The following NCKAP1 variants were observed in gnomAD, a reference collection of about 807,000 sequenced individuals.
The protein encoded by NCKAP1 is nck-associated protein 1.
NCKAP1 carries 21 observed loss-of-function variants against 151.2 expected under a neutral mutation model. The observed-to-expected ratio is 0.14, with a 90% CI of 0.10 to 0.20. NCKAP1 has a LOEUF of 0.20. Among genes scored for constraint, NCKAP1 ranks in the 10% least tolerant of loss-of-function variants. The pLI is 1.00. For missense variants in NCKAP1, 933 were observed against 1,352.1 expected, an observed-to-expected ratio of 0.69 and a Z score of 4.86; for synonymous variants, 484 against 451.8, an observed-to-expected ratio of 1.07 and a Z score of -0.90.
intron 10 of NCKAP1, among the ~76,000 whole-genome samples, chr2:182,983,795 G>A (rs1025447749): frequency 2.6e-5 from 4 of 152,208 alleles, no homozygotes; most frequent in Non-Finnish European, 5.9e-5. Flanking sequence ...CACTTTGGGA[G>A]ACCAACTTGG....
chr2:182,971,392 TCAAAAAAAA>T (rs1405003994), intron 15 of NCKAP1, among the ~76,000 whole-genome samples: 10 of 63,586 alleles, frequency 1.6e-4, no homozygotes, highest in African/African-American at 6.0e-4. Flanking sequence ...AGACTCCGTC[TCAAAAAAAA>T]AAAAAAAAAA....
chr2:182,992,611 T>G (rs1366477461), intron 8 of NCKAP1, among the ~76,000 whole-genome samples: 1 of 152,084 alleles, frequency 6.6e-6, no homozygotes, highest in Admixed American at 6.5e-5. Context: ...AAATAAACTA[T>G]GAGACAAAGC....
At chr2:182,958,969 C>T (rs1046162443) in intron 18 of NCKAP1, among the ~76,000 whole-genome samples, 1 of 152,068 alleles carries the variant, frequency 6.6e-6, no homozygotes, top group African/African-American at 2.4e-5. Flanking sequence ...GACATAATAA[C>T]ATTTTGGGGT....
intron 18 of NCKAP1, among the ~76,000 whole-genome samples, chr2:182,959,569 G>A (rs373449413): frequency 3.3e-5 from 5 of 152,186 alleles, no homozygotes; most frequent in East Asian, 1.9e-4. Context: ...AATAAATTAG[G>A]TATTGATAGG....
intron 2 of NCKAP1, among the ~76,000 whole-genome samples, chr2:183,012,527 C>G (rs2105885161): frequency 6.6e-6 from 1 of 152,062 alleles, no homozygotes; most frequent in African/African-American, 2.4e-5. Context: ...CACTTAAAAT[C>G]TGTAATACTC....
Position 182,926,897 on chromosome 2 carries a change from G to T in NCKAP1, c.3189C>A (p.Ser1063=). ...DRLKEFLALA[S]SSLLKIGQET... is the part of the protein sequence containing the mutation. ...CCTGGCCAATTTTCAGTAGACTGGA[G>T]GATGCAAGCTTAAAAGTATACATAC... The change falls in exon 30 of 31, where the codon TCC becomes TCA. Residue 1063 remains serine (S), a synonymous_variant. Coordinates refer to ENST00000361354, the MANE Select transcript of NCKAP1 (RefSeq NM_013436.5). The T allele has an allele frequency of 6.3e-7, 1 of 1,599,680 alleles. No individual in the cohort carries two copies. The highest frequency in any genetic ancestry group is 1.1e-5 in the South Asian group (1 of 89,186).
chr2:182,977,990 G>A (rs1028314065), intron 14 of NCKAP1, among the ~76,000 whole-genome samples: 1 of 152,118 alleles, frequency 6.6e-6, no homozygotes, highest in African/African-American at 2.4e-5. Flanking sequence ...TTTCTCCTAA[G>A]CTCTCTGATT....
intron 23 of NCKAP1, chr2:182,947,031 A>C (rs1460325891): frequency 6.6e-6 from 1 of 152,226 alleles, no homozygotes; most frequent in African/African-American, 2.4e-5. Flanking sequence ...TCCTACCTCC[A>C]CCCTGCACTA....
chr2:182,970,791 A>T (rs890077994), intron 15 of NCKAP1, among the ~76,000 whole-genome samples: 14 of 152,188 alleles, frequency 9.2e-5, no homozygotes, highest in South Asian at 2.1e-4. Context: ...ACATAAATAA[A>T]AGGCATGCAA....
chr2:182,987,451 C>A (rs908173485), intron 9 of NCKAP1, among the ~76,000 whole-genome samples: 5 of 152,118 alleles, frequency 3.3e-5, no homozygotes, highest in African/African-American at 1.2e-4. Flanking sequence ...TGATCATTCA[C>A]AATTAAATTA....
At chr2:182,963,050 ATACAG>A (rs1478953523) in intron 17 of NCKAP1, among the ~76,000 whole-genome samples, 1 of 152,088 alleles carries the variant, frequency 6.6e-6, no homozygotes, top group Non-Finnish European at 1.5e-5. Context: ...TAGAGCTTAC[ATACAG>A]TATTTATATG....
At chr2:182,963,771 G>A (rs1275057533) in intron 17 of NCKAP1, among the ~76,000 whole-genome samples, 5 of 151,934 alleles carry the variant, frequency 3.3e-5, no homozygotes, top group African/African-American at 7.2e-5. Context: ...AAGTTTGGGA[G>A]AAAAAAATCT....
At chr2:183,031,372 G>A (rs538609297) in intron 1 of NCKAP1, among the ~76,000 whole-genome samples, 1 of 152,280 alleles carries the variant, frequency 6.6e-6, no homozygotes, top group South Asian at 2.1e-4. Flanking sequence ...TGTTTTTGCA[G>A]TTTTTTAAAG....
At chr2:182,934,166 C>A (rs772621015) in intron 26 of NCKAP1, among the ~76,000 whole-genome samples, 1 of 151,452 alleles carries the variant, frequency 6.6e-6, no homozygotes, top group Non-Finnish European at 1.5e-5. Context: ...GAGACGGAGT[C>A]TCATTCTGTT....
intron 1 of NCKAP1, among the ~76,000 whole-genome samples, chr2:183,032,292 T>C (rs938907820): frequency 2.0e-5 from 3 of 152,130 alleles, no homozygotes; most frequent in Non-Finnish European, 4.4e-5. Flanking sequence ...GTACGGAAAA[T>C]GTTTAGAAAA....
In NCKAP1 at chr2:182,953,122, T is replaced by C; in HGVS notation, c.2363A>G (p.Tyr788Cys). ...TAAATGCATTCCTTACCAATTTGTG[T>C]ATAGACTTGTAATGGTTGGCTCTCC... Reference protein sequence around the residue: ...SHGEPTITSLYTNWYLETLLR... With the variant: ...SHGEPTITSLCTNWYLETLLR... The change falls in exon 21 of 31, where the codon TAC becomes TGC. Residue 788 changes from tyrosine to cysteine, a missense_variant. This residue lies in a region of NCKAP1 where 326 missense variants were observed against 557.1 expected (regional missense o/e 0.59). Transcript: ENST00000361354. 6.2e-7 allele frequency: 1 copy of C among 1,608,328 alleles called. No homozygotes were observed. Among genetic ancestry groups the C allele is most frequent in the Non-Finnish European group, 8.5e-7 (1 of 1,177,196 alleles).
chr2:182,984,250 T>C (rs528587672), intron 10 of NCKAP1, among the ~76,000 whole-genome samples: 1 of 151,848 alleles, frequency 6.6e-6, no homozygotes, highest in Non-Finnish European at 1.5e-5. Context: ...AATAGAAAGA[T>C]GGGGAAAGGA....
intron 26 of NCKAP1, among the ~76,000 whole-genome samples, chr2:182,932,841 T>G (rs1411040442): frequency 6.6e-6 from 1 of 152,200 alleles, no homozygotes; most frequent in Non-Finnish European, 1.5e-5. Context: ...TTTTCTGCAG[T>G]GTTTCCACTT....
chr2:182,965,896 G>T (rs1697560529), intron 16 of NCKAP1, among the ~76,000 whole-genome samples: 1 of 152,070 alleles, frequency 6.6e-6, no homozygotes, highest in Non-Finnish European at 1.5e-5. Context: ...TTGCAAATTT[G>T]ACCTGTGATG....
Sources: allele counts gnomAD v4.1 joint callset (sites outside exome capture counted in the v4.1 genomes callset), GRCh38; gene constraint gnomAD v4.1.1; regional missense constraint gnomAD v4.1.1; transcripts MANE v1.5; gene names NCBI Gene and HGNC (gene_info 2026-07-23, HGNC 2026-07-21).